UBAP2: variants seen among roughly 807,000 people sequenced by gnomAD.
The protein encoded by UBAP2 is ubiquitin associated protein 2, also known as ubiquitin-associated protein 2.
A neutral mutation model predicts 139.6 loss-of-function variants in UBAP2; 75 were observed. The ratio of observed to expected loss-of-function variants is 0.54; its 90% CI spans 0.45 to 0.65. UBAP2 has a LOEUF of 0.65. UBAP2 is among the 30% of genes least tolerant of loss of function. UBAP2 has a pLI of 0.00. For synonymous variants in UBAP2, 526 were observed against 526.2 expected, an observed-to-expected ratio of 1.00 and a Z score of 0.01; for missense variants, 1,368 against 1,369.6, an observed-to-expected ratio of 1.00 and a Z score of 0.02.
At chr9:33,992,655 C>G (rs1364772003) in intron 4 of UBAP2, among the ~76,000 whole-genome samples, 4 of 128,336 alleles carry the variant, frequency 3.1e-5, no homozygotes, top group Non-Finnish European at 3.4e-5. Context: ...ACTTATCGGG[C>G]GGAGGGGGGG....
At position 33,953,357 on chromosome 9, in the gene UBAP2, C is replaced by T. The variant is rs761341970; in HGVS notation, c.984G>A (p.Ser328=). ...CTGGTGCCATCTGATTGTTGTGTTG[C>T]GAATTTGTGAAGACAAGGGCTTGGC... ...GFGQALVFTN[S]QHNNQMAPGT... is the part of the protein sequence containing the mutation. Residue 328 remains serine (S), a synonymous_variant, in exon 12 of 29, where the codon TCG becomes TCA. Coordinates refer to ENST00000379238, the MANE Select transcript of UBAP2 (RefSeq NM_001370062.2). The T allele has an allele frequency of 2.8e-5, 45 of 1,613,976 alleles. No homozygotes were observed. The highest frequency in any genetic ancestry group is 3.5e-5 in the Non-Finnish European group (41 of 1,180,018).
At chr9:34,011,581 T>C in intron 2 of UBAP2, 1 of 958,192 alleles carries the variant, frequency 1.0e-6, no homozygotes, top group Non-Finnish European at 1.2e-6. Flanking sequence ...TCAATAAATA[T>C]TTGATAAACA....
At chr9:33,951,882 G>C (rs1228253842) in intron 12 of UBAP2, among the ~76,000 whole-genome samples, 3 of 152,082 alleles carry the variant, frequency 2.0e-5, no homozygotes, top group South Asian at 2.1e-4. Flanking sequence ...GAAAGGCGGA[G>C]GAGGAAAAGA....
intron 22 of UBAP2, among the ~76,000 whole-genome samples, chr9:33,926,380 C>T (rs564334266): frequency 6.6e-6 from 1 of 152,288 alleles, no homozygotes; most frequent in South Asian, 2.1e-4. Context: ...CCTACCAGGG[C>T]CCCAGGTCCC....
At chr9:33,983,858 C>T (rs1820975327) in intron 6 of UBAP2, among the ~76,000 whole-genome samples, 1 of 152,096 alleles carries the variant, frequency 6.6e-6, no homozygotes, top group African/African-American at 2.4e-5. Context: ...TTGGTTTTTA[C>T]CAATTTACTA....
chr9:33,929,589 TA>T (rs201830433), intron 19 of UBAP2, among the ~76,000 whole-genome samples: 2 of 151,300 alleles, frequency 1.3e-5, no homozygotes, highest in South Asian at 2.1e-4. Flanking sequence ...CAGATCTATG[TA>T]AAAAAAAATC....
rs1453682475 is a variant in UBAP2, at chr9:34,016,194, GAAGGAAGAGGAGGAAT to G, written c.99+840_99+855del. ...AGGAGGAGGAGGAAGAGGAGGAATA[GAAGGAAGAGGAGGAAT>G]AGGAGGAAGAGGAGGAGGAAGAGGA... On this transcript the variant is annotated intron_variant, in intron 2 of 28. Transcript: ENST00000379238. Among the ~76,000 whole-genome samples, 305 of 68,866 alleles carry G rather than the reference GAAGGAAGAGGAGGAAT, an allele frequency of 4.4e-3. 1 individual carries two copies. The highest frequency in any genetic ancestry group is 0.021 in the East Asian group (18 of 878). 45.2% of individuals were successfully genotyped at this position (68,866 alleles called of 152,430 possible).
chr9:34,034,796 C>T (rs1477363844), intron 1 of UBAP2, among the ~76,000 whole-genome samples: 3 of 152,218 alleles, frequency 2.0e-5, no homozygotes, highest in East Asian at 3.9e-4. Flanking sequence ...TTGCTTCAAC[C>T]TGGGAGGCGG....
Position 33,933,501 on chromosome 9 carries a change from A to G in UBAP2, c.2097T>C (p.Ser699=). ...CACCTTCCCCATACCTGCTAAGCTG[A>G]GAGAGAGGGCTGCTAGTCAGGTCGC... The part of the protein sequence containing the change: ...HTGDLTSSPL[S]QLSSSLSSHQ... The change falls in exon 18 of 29, where the codon TCT becomes TCC. Residue 699 remains serine (S), a synonymous_variant. Transcript: ENST00000379238. 6.2e-7 allele frequency: 1 copy of G among 1,613,708 alleles called. No homozygotes were observed. Among genetic ancestry groups the G allele is most frequent in the Non-Finnish European group, 8.5e-7 (1 of 1,179,900 alleles).
intron 1 of UBAP2, among the ~76,000 whole-genome samples, chr9:34,043,291 C>T (rs1827257625): frequency 6.6e-6 from 1 of 152,060 alleles, no homozygotes; most frequent in Non-Finnish European, 1.5e-5. Context: ...CCAACCTCAG[C>T]CTCCTGAGTA....
At chr9:33,943,673 T>A in intron 14 of UBAP2, 84 bp from the exon 15 acceptor site, 1 of 1,355,090 alleles carries the variant, frequency 7.4e-7, no homozygotes, top group Non-Finnish European at 1.0e-6. Flanking sequence ...AACAAGCATT[T>A]AGGTTCCCAG....
In UBAP2 at chr9:34,014,213, GC is replaced by G. The variant is rs148427947; in HGVS notation, c.99+2836del. On this transcript the variant is annotated intron_variant, in intron 2 of 28. Coordinates refer to ENST00000379238, the MANE Select transcript of UBAP2 (RefSeq NM_001370062.2). Reference sequence around the variant, plus strand: ...ATGGTGGCTCACGCCTGTAATCCCAGCTGCTGGGGAGGATAAGACAGGAGAA... The same window carrying G: ...ATGGTGGCTCACGCCTGTAATCCCAGTGCTGGGGAGGATAAGACAGGAGAA... Among the ~76,000 whole-genome samples, 824 of 150,858 alleles carry G rather than the reference GC, an allele frequency of 5.5e-3. 2 individuals are homozygous for G. The highest frequency in any genetic ancestry group is 9.5e-3 in the Non-Finnish European group (646 of 67,830).
chr9:33,934,075 C>A (rs557570805), intron 17 of UBAP2: 50 of 169,164 alleles, frequency 3.0e-4, no homozygotes, highest in Admixed American at 2.4e-3. Flanking sequence ...CCAAGTCAGG[C>A]TGACTCTACC....
intron 8 of UBAP2, 31 bp from the exon 9 acceptor site, chr9:33,963,822 AC>A: frequency 1.3e-6 from 2 of 1,516,722 alleles, no homozygotes; most frequent in Non-Finnish European, 1.8e-6. Flanking sequence ...GAGGGTTTAA[AC>A]ATATGAAAAG....
intron 16 of UBAP2, among the ~76,000 whole-genome samples, chr9:33,937,599 C>CAAAAAAAAAA (rs1185167927): frequency 1.2e-5 from 1 of 85,510 alleles, no homozygotes; most frequent in Non-Finnish European, 2.2e-5. Context: ...GACTCTGTCT[C>CAAAAAAAAAA]AAAAAAAAAA....
chr9:33,978,206 A>C (rs1564041905), intron 6 of UBAP2, among the ~76,000 whole-genome samples: 2 of 151,948 alleles, frequency 1.3e-5, no homozygotes, highest in Non-Finnish European at 2.9e-5. Flanking sequence ...AGGACTCAGC[A>C]AGACTCCCAA....
intron 1 of UBAP2, among the ~76,000 whole-genome samples, chr9:34,046,900 T>C (rs1272529012): frequency 6.6e-6 from 1 of 152,140 alleles, no homozygotes. Context: ...GATCACTACA[T>C]AGACTGCACT....
intron 1 of UBAP2, among the ~76,000 whole-genome samples, chr9:34,042,851 G>A (rs1382306506): frequency 6.6e-6 from 1 of 151,666 alleles, no homozygotes; most frequent in Non-Finnish European, 1.5e-5. Context: ...GCCAAGGCAG[G>A]AGGATCACTT....
chr9:33,932,549 C>A lies in UBAP2; in HGVS notation c.2175+13G>T. The A allele has an allele frequency of 6.2e-7, 1 of 1,613,644 alleles. No homozygotes were observed. Among genetic ancestry groups the A allele is most frequent in the Non-Finnish European group, 8.5e-7 (1 of 1,179,956 alleles). ...AGCATGGCGGAGGAAGAGGAAGCCG[C>A]GCAGACACTTACTGTGTGTGACGTG... On this transcript the variant is annotated intron_variant, in intron 19 of 28. Transcript: ENST00000379238.
Sources: allele counts gnomAD v4.1 joint callset (sites outside exome capture counted in the v4.1 genomes callset), GRCh38; gene constraint gnomAD v4.1.1; transcripts MANE v1.5; gene names NCBI Gene and HGNC (gene_info 2026-07-23, HGNC 2026-07-21).